The following SYT9 variants were observed in gnomAD, a reference collection of about 807,000 sequenced individuals.
SYT9 encodes synaptotagmin 9.
Under a neutral mutation model 48.4 loss-of-function variants are expected in SYT9, and 22 were observed. That is an observed-to-expected ratio of 0.45 (90% CI 0.32 to 0.65). The LOEUF (loss-of-function observed/expected upper bound fraction) is 0.65, where lower values mean the gene tolerates loss of function less well. SYT9 is among the 30% of genes least tolerant of loss of function. SYT9 has a pLI of 0.03. For synonymous variants in SYT9, 265 were observed against 245.0 expected (o/e 1.08, Z -0.76); for missense variants, 577 against 622.0 (o/e 0.93, Z 0.77).
intron 2 of SYT9, among the ~76,000 whole-genome samples, chr11:7,311,897 C>T (rs1202440084): frequency 6.6e-6 from 1 of 152,152 alleles, no homozygotes; most frequent in Non-Finnish European, 1.5e-5. Flanking sequence ...GCTCAGAAAG[C>T]CAGTTTTAGA....
intron 3 of SYT9, among the ~76,000 whole-genome samples, chr11:7,410,501 CT>C (rs1847116597): frequency 6.6e-6 from 1 of 152,130 alleles, no homozygotes; most frequent in South Asian, 2.1e-4. Context: ...GTTATATTTG[CT>C]TTATGAATCT....
Position 7,372,312 on chromosome 11 carries a change from G to A in SYT9, c.1045-43730G>A, listed in dbSNP as rs1256875079. Among the ~76,000 whole-genome samples, 8 of 151,194 alleles carry A rather than the reference G, an allele frequency of 5.3e-5. No homozygotes were observed. In the East Asian group the frequency reaches 5.8e-4, roughly 11 times the overall value. On this transcript the variant is annotated intron_variant, in intron 3 of 6. Transcript: ENST00000318881. ...TTTGCTCATTTCTTTTCTCTCTCTC[G>A]CTCTGTGTGTTTGTTTTTTGAGATT...
chr11:7,261,073 G>C (rs1278750736), intron 1 of SYT9, among the ~76,000 whole-genome samples: 1 of 152,200 alleles, frequency 6.6e-6, no homozygotes, highest in Non-Finnish European at 1.5e-5. Flanking sequence ...TTTATTGTGT[G>C]TACAGGGTCT....
chr11:7,242,280 T>C (rs1043907716), intron 1 of SYT9, among the ~76,000 whole-genome samples: 1 of 152,156 alleles, frequency 6.6e-6, no homozygotes, highest in Non-Finnish European at 1.5e-5. Context: ...ATTGGCTATT[T>C]GGGACTATTC....
chr11:7,339,408 T>C (rs897403675), intron 3 of SYT9, among the ~76,000 whole-genome samples: 12 of 152,176 alleles, frequency 7.9e-5, no homozygotes, highest in Admixed American at 6.6e-4. Context: ...TGATAGCTGG[T>C]TGTTACGCCA....
intron 1 of SYT9, among the ~76,000 whole-genome samples, chr11:7,281,764 A>G (rs1226138614): frequency 2.6e-5 from 4 of 152,246 alleles, no homozygotes; most frequent in African/African-American, 9.6e-5. Flanking sequence ...TTTCTTGGAT[A>G]GAATTTTTGG....
chr11:7,390,089 C>G (rs1295224024), intron 3 of SYT9, among the ~76,000 whole-genome samples: 1 of 152,150 alleles, frequency 6.6e-6, no homozygotes, highest in Admixed American at 6.6e-5. Context: ...CACCCATCAA[C>G]TCGTCATTTA....
chr11:7,396,717 C>G (rs749851838), intron 3 of SYT9, among the ~76,000 whole-genome samples: 14 of 152,090 alleles, frequency 9.2e-5, no homozygotes, highest in Non-Finnish European at 1.6e-4. Context: ...CCTCCACATC[C>G]TACACAACAA....
At chr11:7,285,269 G>A (rs1848575880) in intron 1 of SYT9, among the ~76,000 whole-genome samples, 1 of 152,166 alleles carries the variant, frequency 6.6e-6, no homozygotes, top group Non-Finnish European at 1.5e-5. Context: ...GGGCTGGGGA[G>A]GCCTCAGGAA....
chr11:7,463,662 C>T (rs1307987532), intron 6 of SYT9, among the ~76,000 whole-genome samples: 1 of 152,166 alleles, frequency 6.6e-6, no homozygotes, highest in Non-Finnish European at 1.5e-5. Flanking sequence ...ATTGAAACTC[C>T]TTAATCCTGT....
chr11:7,421,128 T>A (rs948234982), intron 6 of SYT9, among the ~76,000 whole-genome samples: 1 of 152,216 alleles, frequency 6.6e-6, no homozygotes, highest in Admixed American at 6.5e-5. Flanking sequence ...ACAAATGAAA[T>A]GAGAATTTAT....
intron 1 of SYT9, among the ~76,000 whole-genome samples, chr11:7,240,119 T>A (rs954556948): frequency 6.6e-6 from 1 of 151,990 alleles, no homozygotes; most frequent in African/African-American, 2.4e-5. Flanking sequence ...GGGAAGCCAG[T>A]GAAAGACAAA....
At chr11:7,313,993 G>C in intron 3 of SYT9, 52 bp downstream of exon 3, 1 of 1,559,184 alleles carries the variant, frequency 6.4e-7, no homozygotes, top group Non-Finnish European at 8.7e-7. Flanking sequence ...TGGTTAGCAA[G>C]GAAACAGATT....
At chr11:7,343,370 A>AT (rs1454349866) in intron 3 of SYT9, among the ~76,000 whole-genome samples, 5 of 152,058 alleles carry the variant, frequency 3.3e-5, no homozygotes, top group Non-Finnish European at 4.4e-5. Context: ...CTGCTTAGTA[A>AT]TTTTTTCTGC....
chr11:7,441,259 T>C (rs926626895), intron 6 of SYT9: 1 of 152,174 alleles, frequency 6.6e-6, no homozygotes, highest in South Asian at 2.1e-4. Flanking sequence ...CAGGGAAATA[T>C]GACAGGTGGA....
chr11:7,303,437 T>A, intron 2 of SYT9, 47 bp downstream of exon 2: 2 of 1,479,566 alleles, frequency 1.4e-6, no homozygotes, highest in East Asian at 4.8e-5. Flanking sequence ...GACCACCCCA[T>A]TCCCCTCTCT....
rs67650978 is a variant in SYT9 at position 7,432,547 on chromosome 11, CAAAAAAAAAAAAAAAAAAAAA to C, written c.1467+11928_1467+11948del. 4.7e-3 allele frequency among the ~76,000 whole-genome samples: 79 copies of C among 16,906 alleles called. 1 individual carries two copies. The highest frequency in any genetic ancestry group is 0.016 in the African/African-American group (74 of 4,580). 11.1% of individuals were successfully genotyped at this position (16,906 alleles called of 152,430 possible). On this transcript the variant is annotated intron_variant, in intron 6 of 6. Transcript: ENST00000318881. ...GGGCAACAAGAGTGAGACTCCATCT[CAAAAAAAAAAAAAAAAAAAAA>C]AAAAAAAAAAAAAAATATATATACA...
intron 6 of SYT9, among the ~76,000 whole-genome samples, chr11:7,442,330 C>T (rs1453371730): frequency 2.0e-5 from 3 of 152,186 alleles, no homozygotes; most frequent in Non-Finnish European, 4.4e-5. Flanking sequence ...CTGCTTTTGG[C>T]TCTCTCCTCC....
At chr11:7,280,734 G>A (rs1848478164) in intron 1 of SYT9, among the ~76,000 whole-genome samples, 1 of 150,186 alleles carries the variant, frequency 6.7e-6, no homozygotes, top group Admixed American at 6.6e-5. Flanking sequence ...TTTCCAGGTG[G>A]AGAAGAAGGG....
Sources: gnomAD v4.1 joint callset for allele counts (sites outside exome capture counted in the v4.1 genomes callset) on GRCh38, gnomAD v4.1.1 for gene constraint, MANE v1.5 for transcripts, NCBI Gene and HGNC (gene_info 2026-07-23, HGNC 2026-07-21) for gene names.